The following DOCK2 variants were observed in gnomAD, a reference collection of about 807,000 sequenced individuals.
DOCK2 encodes the protein dedicator of cytokinesis protein 2.
In DOCK2, 87 loss-of-function variants were observed where a neutral mutation model predicts 248.9. That is an observed-to-expected ratio of 0.35 (90% confidence interval 0.29 to 0.42). DOCK2 has a LOEUF of 0.42. Among genes scored for constraint, DOCK2 ranks in the 10% least tolerant of loss-of-function variants. The pLI, the probability that DOCK2 is intolerant of heterozygous loss-of-function variation, is 1.00. For synonymous variants in DOCK2, 805 were observed against 821.6 expected (o/e 0.98, Z 0.35); for missense variants, 1,747 against 2,300.2 (o/e 0.76, Z 4.92).
chr5:169,915,191 A>G (rs1774809558), intron 27 of DOCK2, among the ~76,000 whole-genome samples: 1 of 152,260 alleles, frequency 6.6e-6, no homozygotes, highest in African/African-American at 2.4e-5. Flanking sequence ...GTGGAAGCCA[A>G]ACAAATCAGA....
Position 169,714,162 on chromosome 5 carries a change from T to C in DOCK2, c.1794T>C (p.Asp598=). The change falls in exon 18 of 52, where the codon GAT becomes GAC. Residue 598 remains aspartate, a synonymous_variant. Transcript: ENST00000520908. Reference sequence around the variant, plus strand: ...GGGGGCTTTCTGTCAGCTCCCGGGATGTGTTCTCCATTTCCACCCTGGTGT... The same window carrying C: ...GGGGGCTTTCTGTCAGCTCCCGGGACGTGTTCTCCATTTCCACCCTGGTGT... ...SVGGLSVSSR[D]VFSISTLVCS... The C allele has an allele frequency of 6.2e-7, 1 of 1,613,402 alleles. No homozygotes were observed. Among genetic ancestry groups the C allele is most frequent in the Non-Finnish European group, 8.5e-7 (1 of 1,179,582 alleles).
chr5:169,818,139 T>C (rs1490021870), intron 26 of DOCK2, among the ~76,000 whole-genome samples: 2 of 152,140 alleles, frequency 1.3e-5, no homozygotes, highest in Non-Finnish European at 2.9e-5. Flanking sequence ...TAACCCATAA[T>C]GTTTTGAACT....
At chr5:169,713,778 C>T (rs756700095) in intron 17 of DOCK2, among the ~76,000 whole-genome samples, 2 of 152,192 alleles carry the variant, frequency 1.3e-5, no homozygotes, top group Non-Finnish European at 2.9e-5. Context: ...TTTTATTTTG[C>T]CATTAATGAG....
chr5:169,966,040 G>C (rs1777284553), intron 27 of DOCK2, among the ~76,000 whole-genome samples: 1 of 152,218 alleles, frequency 6.6e-6, no homozygotes, highest in Non-Finnish European at 1.5e-5. Context: ...GCCTTCCGAA[G>C]AGCAGGAAGT....
At chr5:169,723,815 A>G (rs80116226) in intron 22 of DOCK2, among the ~76,000 whole-genome samples, 1,856 of 152,278 alleles carry the variant, frequency 0.012, 36 homozygotes, top group African/African-American at 0.042. Context: ...ATGGCATACT[A>G]TATAGTAATC....
chr5:170,069,512 C>A (rs1018851607), intron 46 of DOCK2, among the ~76,000 whole-genome samples: 3 of 152,092 alleles, frequency 2.0e-5, no homozygotes, highest in Non-Finnish European at 2.9e-5. Flanking sequence ...CTTTTCACAG[C>A]GGGATGCAAA....
chr5:169,884,904 A>G (rs778509084), intron 27 of DOCK2: 1 of 152,154 alleles, frequency 6.6e-6, no homozygotes, highest in Non-Finnish European at 1.5e-5. Context: ...CTAGCTGAGT[A>G]TTTTGAGTGG....
chr5:170,068,039 C>T (rs1757557889), intron 45 of DOCK2, among the ~76,000 whole-genome samples: 2 of 152,130 alleles, frequency 1.3e-5, no homozygotes, highest in Non-Finnish European at 2.9e-5. Flanking sequence ...TTGTATAAAC[C>T]CACCTCTTCC....
At chr5:169,777,038 C>T (rs1368500350) in intron 25 of DOCK2, among the ~76,000 whole-genome samples, 3 of 152,236 alleles carry the variant, frequency 2.0e-5, no homozygotes, top group South Asian at 2.1e-4. Context: ...GAATTCATAC[C>T]CTTAATAGAC....
intron 17 of DOCK2, among the ~76,000 whole-genome samples, chr5:169,712,719 G>C (rs1185109619): frequency 2.0e-5 from 3 of 152,082 alleles, no homozygotes; most frequent in African/African-American, 7.2e-5. Context: ...AGCAGTTGTG[G>C]CAATATTTAT....
intron 27 of DOCK2, among the ~76,000 whole-genome samples, chr5:169,963,437 G>A (rs1243133317): frequency 2.0e-5 from 3 of 152,142 alleles, no homozygotes; most frequent in Non-Finnish European, 2.9e-5. Context: ...CCTATGCTTA[G>A]CAGTGCATTC....
At chr5:169,953,836 T>C (rs1170763633) in intron 27 of DOCK2, among the ~76,000 whole-genome samples, 6 of 152,212 alleles carry the variant, frequency 3.9e-5, no homozygotes, top group Non-Finnish European at 8.8e-5. Flanking sequence ...CCTGGCACCA[T>C]TGGTTTTCCA....
chr5:169,817,913 C>T (rs1768171977), intron 26 of DOCK2, among the ~76,000 whole-genome samples: 1 of 152,188 alleles, frequency 6.6e-6, no homozygotes, highest in South Asian at 2.1e-4. Flanking sequence ...TACATGCTGA[C>T]ACTAATTTTA....
intron 27 of DOCK2, among the ~76,000 whole-genome samples, chr5:169,856,725 C>G (rs1770917821): frequency 6.6e-6 from 1 of 152,192 alleles, no homozygotes; most frequent in South Asian, 2.1e-4. Flanking sequence ...TTGGTGTGCT[C>G]AGTGGAAACA....
chr5:169,961,858 A>C (rs1258542781), intron 27 of DOCK2, among the ~76,000 whole-genome samples: 1 of 151,846 alleles, frequency 6.6e-6, no homozygotes, highest in African/African-American at 2.4e-5. Flanking sequence ...AGGCACCTGT[A>C]ATCCCAGCTA....
At chr5:170,080,476 C>A in intron 50 of DOCK2, 193 bp downstream of exon 50, 1 of 762,886 alleles carries the variant, frequency 1.3e-6, no homozygotes, top group Non-Finnish European at 2.0e-6. Context: ...TGACACCATC[C>A]CAGCAAGCTC....
intron 25 of DOCK2, among the ~76,000 whole-genome samples, chr5:169,767,014 C>A (rs2113758098): frequency 6.6e-6 from 1 of 152,338 alleles, no homozygotes; most frequent in South Asian, 2.1e-4. Context: ...CCTCAGCCTC[C>A]CAAAGTGCTG....
chr5:169,822,475 C>T (rs182302714), intron 26 of DOCK2, among the ~76,000 whole-genome samples: 7 of 152,232 alleles, frequency 4.6e-5, no homozygotes, highest in East Asian at 3.9e-4. Context: ...TACTCAAAAC[C>T]GCTCAACTGC....
At chr5:169,777,480 G>C (rs947989611) in intron 25 of DOCK2, among the ~76,000 whole-genome samples, 2 of 152,228 alleles carry the variant, frequency 1.3e-5, no homozygotes, top group African/African-American at 4.8e-5. Context: ...CCACAGTGGA[G>C]AGGGGAGCCA....
Sources: gnomAD v4.1 joint callset for allele counts (sites outside exome capture counted in the v4.1 genomes callset) on GRCh38, gnomAD v4.1.1 for gene constraint, MANE v1.5 for transcripts, NCBI Gene and HGNC (gene_info 2026-07-23, HGNC 2026-07-21) for gene names.